KIF7: variants seen among roughly 807,000 people sequenced by gnomAD.
The protein encoded by KIF7 is kinesin-like protein KIF7.
A neutral mutation model predicts 135.7 loss-of-function variants in KIF7; 104 were observed. The observed-to-expected ratio is 0.77, with a 90% CI of 0.65 to 0.90. The LOEUF (loss-of-function observed/expected upper bound fraction) is 0.90. Ranked by LOEUF, KIF7 falls within the 40% of genes least tolerant of loss-of-function variation. The pLI is 0.00. For missense variants in KIF7, 2,005 were observed against 1,839.1 expected, an observed-to-expected ratio of 1.09 and a Z score of -1.65; for synonymous variants, 883 against 809.4, an observed-to-expected ratio of 1.09 and a Z score of -1.54.
chr15:89,628,090 G>T lies in KIF7; in HGVS notation c.*329C>A. The T allele has an allele frequency of 3.8e-6, 1 of 266,492 alleles. No individual in the cohort carries two copies. Among genetic ancestry groups the T allele is most frequent in the Non-Finnish European group, 7.0e-6 (1 of 141,966 alleles). 16.5% of individuals were successfully genotyped at this position (266,492 alleles called of 1,614,324 possible). On this transcript the variant is annotated 3_prime_UTR_variant, in exon 19 of 19. Coordinates refer to ENST00000394412, the MANE Select transcript of KIF7 (RefSeq NM_198525.3). ...CAACCTGGTTACCACCGACCCTTTC[G>T]TGATGATTCTTGGCCAAACCCCTGA...
intron 15 of KIF7, chr15:89,631,040 G>A (rs8029913): frequency 0.51 from 113,292 of 220,994 alleles, 29,917 homozygotes; most frequent in Non-Finnish European, 0.56. Flanking sequence ...AAAATGCGGT[G>A]TTATAATTTT....
In KIF7 at chr15:89,642,360, C is replaced by G. The variant is rs151317163; in HGVS notation, c.2237G>C (p.Arg746Pro). ...ALNRQHSQRIRELEQEAEQVR... is the reference protein window; with the variant it reads ...ALNRQHSQRIPELEQEAEQVR... ...CTGCTCTGCCTCCTGCTCCAGCTCC[C>G]GGATACGCTGGCTGTGCTGGCGGTT... Residue 746 changes from arginine (R) to proline (P), a missense_variant, in exon 11 of 19, where the codon CGG (arginine) becomes CCG (proline). Transcript: ENST00000394412. 1.2e-6 allele frequency: 2 copies of G among 1,609,898 alleles called. No homozygotes were observed. Among genetic ancestry groups the G allele is most frequent in the Non-Finnish European group, 1.7e-6 (2 of 1,178,806 alleles).
upstream of KIF7, among the ~76,000 whole-genome samples, chr15:89,655,622 G>A (rs936007171): frequency 1.3e-5 from 2 of 152,132 alleles, no homozygotes; most frequent in Admixed American, 1.3e-4. Context: ...GCTGGGCCTG[G>A]AGAGTGTGCA....
intron 1 of KIF7, chr15:89,619,615 G>T: frequency 7.6e-7 from 1 of 1,323,058 alleles, no homozygotes; most frequent in Non-Finnish European, 1.0e-6. Context: ...CTTATATGTG[G>T]TACTATGTAA....
chr15:89,620,839 C>T (rs1442305037), intron 1 of KIF7, among the ~76,000 whole-genome samples: 2 of 151,928 alleles, frequency 1.3e-5, no homozygotes, highest in Non-Finnish European at 2.9e-5. Flanking sequence ...TCTCCTGCCT[C>T]AGCCTCCTGA....
chr15:89,655,806 C>T (rs533041678), upstream of KIF7, among the ~76,000 whole-genome samples: 6 of 152,334 alleles, frequency 3.9e-5, no homozygotes, highest in South Asian at 1.2e-3. Context: ...TTTAATCTCC[C>T]CACGTTTAAA....
At chr15:89,618,920 C>G (rs28591326) in intron 1 of KIF7, among the ~76,000 whole-genome samples, 1 of 152,192 alleles carries the variant, frequency 6.6e-6, no homozygotes. Context: ...GATCGTGCCT[C>G]TGCACTCCAG....
Position 89,628,767 on chromosome 15 carries a change from C to A in KIF7, c.3684G>T (p.Leu1228=), listed in dbSNP as rs1026093138. ...CAGGAGCCTGTCTGCCCTCCGAGCA[C>A]AGGCTCCTCTTCTCCCCACCTGTCA... ...GHSRGGEKRS[L]CSEGRQAPGN... The change falls in exon 19 of 19, where the codon CTG becomes CTT. Residue 1228 remains leucine, a synonymous_variant. Transcript: ENST00000394412. The A allele has an allele frequency of 6.2e-7, 1 of 1,612,222 alleles. No individual in the cohort carries two copies. The highest frequency in any genetic ancestry group is 8.5e-7 in the Non-Finnish European group (1 of 1,180,004).
chr15:89,632,714 C>T (rs1596067613), intron 14 of KIF7, 106 bp downstream of exon 14: 4 of 1,263,916 alleles, frequency 3.2e-6, no homozygotes, highest in Non-Finnish European at 4.5e-6. Context: ...CTAGACCTCA[C>T]CTGGCAGAAA....
chr15:89,647,051 G>A lies in KIF7; in HGVS notation c.1567C>T (p.Arg523Trp), dbSNP rs946470040. 2 of 1,588,572 alleles carry A rather than the reference G, an allele frequency of 1.3e-6. No individual in the cohort carries two copies. Among genetic ancestry groups the A allele is most frequent in the African/African-American group, 2.7e-5 (2 of 74,514 alleles). Residue 523 changes from arginine to tryptophan, a missense_variant, in exon 7 of 19, where the codon CGG (arginine) becomes TGG (tryptophan). Transcript: ENST00000394412. ...AMEQYKLQSD[R>W]LREQQEEMVE... ...ATCTCCTCCTGCTGCTCACGCAGCC[G>A]GTCGCTCTGCAAGACATGGTCCAGG...
At chr15:89,638,561 A>ATTTT (rs1296847826) in intron 11 of KIF7, among the ~76,000 whole-genome samples, 4,170 of 151,848 alleles carry the variant, frequency 0.027, 187 homozygotes, top group African/African-American at 0.096. Context: ...CAAAGAGAAT[A>ATTTT]AAATACCTAG....
chr15:89,660,245 G>A (rs997676845), upstream of KIF7, among the ~76,000 whole-genome samples: 5 of 152,184 alleles, frequency 3.3e-5, no homozygotes, highest in African/African-American at 1.2e-4. Flanking sequence ...TGACAGGAGA[G>A]TGATGTGGCA....
upstream of KIF7, among the ~76,000 whole-genome samples, chr15:89,656,263 T>C (rs1964205771): frequency 6.6e-6 from 1 of 152,058 alleles, no homozygotes; most frequent in Admixed American, 6.5e-5. Context: ...CATAAGGTCA[T>C]GTGTTATCTC....
chr15:89,627,494 C>T (rs906245480), downstream of KIF7: 2 of 195,132 alleles, frequency 1.0e-5, no homozygotes, highest in African/African-American at 4.7e-5. Context: ...ACAGGCAGCG[C>T]TTTGTAAACT....
At chr15:89,650,000 G>A (rs1217730195) in intron 2 of KIF7, 59 bp from the exon 3 acceptor site, 7 of 1,513,052 alleles carry the variant, frequency 4.6e-6, no homozygotes, top group Non-Finnish European at 6.2e-6. Flanking sequence ...ATGGCCCCCA[G>A]GCCCGGAAGC....
At position 89,646,937 on chromosome 15, in the gene KIF7, G is replaced by A. The variant is rs1325092086; in HGVS notation, c.1681C>T (p.Pro561Ser). The A allele has an allele frequency of 1.9e-6, 3 of 1,613,790 alleles. No homozygotes were observed. The highest frequency in any genetic ancestry group is 1.3e-5 in the African/African-American group (1 of 74,892). The change falls in exon 7 of 19, where the codon CCT becomes TCT. Residue 561 changes from proline (P) to serine (S), a missense_variant. Transcript: ENST00000394412. ...CCCAGGGGGGCTGTATGAGGTCGAG[G>A]CACAAAGGACCCGGGAGGCAGGCCA... ...LNGLPPGSFV[P>S]RPHTAPLGGA...
chr15:89,655,309 A>C (rs1020408949), intron 1 of KIF7, 90 bp downstream of exon 1: 3 of 152,190 alleles, frequency 2.0e-5, no homozygotes, highest in Non-Finnish European at 4.4e-5. Flanking sequence ...TCCCAGGGCC[A>C]CTAGGCCCAG....
At position 89,643,474 on chromosome 15, in the gene KIF7, T is replaced by C. The variant is rs538223724; in HGVS notation, c.2192-1069A>G. On this transcript the variant is annotated intron_variant, in intron 10 of 18. Coordinates refer to ENST00000394412, the MANE Select transcript of KIF7 (RefSeq NM_198525.3). ...ACGGGGTCCTGGAACCAATCCCACA[T>C]AGATATCAAGTGACGACTGTATGAT... Among the ~76,000 whole-genome samples the C allele has an allele frequency of 4.6e-5, 7 of 152,292 alleles. No homozygotes were observed. The South Asian group carries it at 8.3e-4, about 18-fold the overall frequency.
In KIF7 at chr15:89,649,183, G is replaced by C; in HGVS notation, c.714C>G (p.Pro238=). The change falls in exon 4 of 19, where the codon CCC becomes CCG. Residue 238 remains proline (P), a synonymous_variant. Transcript: ENST00000394412. ...RGRAPSRLPR[P]APGQLLVSKF... is the part of the protein sequence containing the mutation. ...TGGAGACGAGCAGCTGGCCCGGGGC[G>C]GGGCGGGGTAGGCGGCTGGGGGCGC... The C allele has an allele frequency of 6.5e-7, 1 of 1,547,092 alleles. No homozygotes were observed. Among genetic ancestry groups the C allele is most frequent in the Non-Finnish European group, 8.7e-7 (1 of 1,146,290 alleles).
Sources: allele counts gnomAD v4.1 joint callset (sites outside exome capture counted in the v4.1 genomes callset), GRCh38; gene constraint gnomAD v4.1.1; transcripts MANE v1.5; gene names NCBI Gene and HGNC (gene_info 2026-07-23, HGNC 2026-07-21).